CSMD1: variants seen among roughly 807,000 people sequenced by gnomAD.
CSMD1 encodes CUB and Sushi multiple domains 1.
Under a neutral mutation model 417.5 loss-of-function variants are expected in CSMD1, and 213 were observed. That is an observed-to-expected ratio of 0.51 (90% CI 0.46 to 0.57). The LOEUF is 0.57. Among genes scored for constraint, CSMD1 ranks in the 20% least tolerant of loss-of-function variants. The pLI, the probability that CSMD1 is intolerant of heterozygous loss-of-function variation, is 0.00. For synonymous variants in CSMD1, 2,862 were observed against 1,736.8 expected (o/e 1.65, Z -16.11); for missense variants, 6,923 against 4,529.7 (o/e 1.53, Z -15.17).
At chr8:4,923,187 C>T (rs1806614675) in intron 1 of CSMD1, among the ~76,000 whole-genome samples, 1 of 152,094 alleles carries the variant, frequency 6.6e-6, no homozygotes, top group African/African-American at 2.4e-5. Flanking sequence ...TGACCACTGT[C>T]ATTTTCTTTC....
intron 12 of CSMD1, among the ~76,000 whole-genome samples, chr8:3,464,101 G>C (rs543938396): frequency 6.6e-6 from 1 of 152,226 alleles, no homozygotes; most frequent in Admixed American, 6.5e-5. Flanking sequence ...ACAGGAAACA[G>C]TTCCTTTAAT....
At chr8:3,525,621 C>A (rs191611958) in intron 10 of CSMD1, among the ~76,000 whole-genome samples, 1 of 152,142 alleles carries the variant, frequency 6.6e-6, no homozygotes, top group Non-Finnish European at 1.5e-5. Flanking sequence ...ATCTTCAAAA[C>A]CTCTTGCCTG....
intron 1 of CSMD1, among the ~76,000 whole-genome samples, chr8:4,902,295 G>T (rs1176333266): frequency 1.3e-5 from 2 of 149,030 alleles, no homozygotes; most frequent in African/African-American, 4.9e-5. Context: ...AAAAAATCCT[G>T]GCATGATGGC....
At chr8:3,097,979 T>C (rs757339743) in intron 46 of CSMD1, among the ~76,000 whole-genome samples, 3 of 152,210 alleles carry the variant, frequency 2.0e-5, no homozygotes, top group Non-Finnish European at 4.4e-5. Context: ...TGAAAAATTA[T>C]TATTCAACTA....
At chr8:4,809,917 C>G (rs550652975) in intron 1 of CSMD1, among the ~76,000 whole-genome samples, 25 of 152,308 alleles carry the variant, frequency 1.6e-4, no homozygotes, top group Admixed American at 1.3e-3. Flanking sequence ...GGCCACTTAC[C>G]AAGTATATTA....
chr8:3,807,367 A>C (rs955030947), intron 5 of CSMD1, among the ~76,000 whole-genome samples: 2 of 152,202 alleles, frequency 1.3e-5, no homozygotes, highest in African/African-American at 4.8e-5. Context: ...TAATCTGGGA[A>C]TATTCCCAAG....
intron 51 of CSMD1, among the ~76,000 whole-genome samples, chr8:3,026,391 TC>T (rs1729327256): frequency 6.6e-6 from 1 of 151,234 alleles, no homozygotes; most frequent in South Asian, 2.1e-4. Context: ...TGGACCTCAC[TC>T]GGCCTCACTG....
At chr8:3,894,114 C>A (rs1484298630) in intron 5 of CSMD1, among the ~76,000 whole-genome samples, 2 of 152,198 alleles carry the variant, frequency 1.3e-5, no homozygotes, top group African/African-American at 4.8e-5. Context: ...GTCTATTCTG[C>A]ACCTCACTTA....
intron 3 of CSMD1, among the ~76,000 whole-genome samples, chr8:4,411,889 A>G (rs1362349640): frequency 6.6e-6 from 1 of 152,024 alleles, no homozygotes; most frequent in Non-Finnish European, 1.5e-5. Flanking sequence ...TGTACCATGC[A>G]CATCTTCTGA....
chr8:3,701,371 A>G (rs955650522), intron 7 of CSMD1, among the ~76,000 whole-genome samples: 9 of 152,064 alleles, frequency 5.9e-5, no homozygotes, highest in African/African-American at 1.9e-4. Flanking sequence ...TCTTTGTCTC[A>G]GCTTCTACAG....
chr8:4,677,007 TATAGAATTTTAC>T (rs1194511401), intron 1 of CSMD1, among the ~76,000 whole-genome samples: 2 of 146,486 alleles, frequency 1.4e-5, no homozygotes, highest in African/African-American at 2.5e-5. Context: ...TAAAATTTTA[TATAGAATTTTAC>T]ATAGAATTTT....
At chr8:3,516,229 G>C (rs1433358295) in intron 10 of CSMD1, among the ~76,000 whole-genome samples, 1 of 152,204 alleles carries the variant, frequency 6.6e-6, no homozygotes, top group African/African-American at 2.4e-5. Flanking sequence ...ACATTCTGCA[G>C]CACTTGCAAA....
At chr8:4,163,623 G>C (rs924330568) in intron 3 of CSMD1, among the ~76,000 whole-genome samples, 3 of 152,064 alleles carry the variant, frequency 2.0e-5, no homozygotes, top group Non-Finnish European at 2.9e-5. Context: ...AAACTCTGTT[G>C]ACTATCTACA....
chr8:4,629,112 T>C (rs1317773850), intron 2 of CSMD1, among the ~76,000 whole-genome samples: 1 of 152,188 alleles, frequency 6.6e-6, no homozygotes, highest in East Asian at 1.9e-4. Context: ...TTTTCAAACA[T>C]TATCAAAATG....
intron 6 of CSMD1, among the ~76,000 whole-genome samples, chr8:3,730,464 G>C (rs965064745): frequency 3.3e-4 from 49 of 150,014 alleles, no homozygotes; most frequent in African/African-American, 1.2e-3. Context: ...GTCTAAGAAG[G>C]CTCTCAAGAG....
chr8:4,351,470 C>T (rs1435257202), intron 3 of CSMD1, among the ~76,000 whole-genome samples: 4 of 152,164 alleles, frequency 2.6e-5, no homozygotes, highest in African/African-American at 4.8e-5. Flanking sequence ...AGTTCCATAG[C>T]TATTACTGTG....
At chr8:3,730,920 C>T (rs752209996) in intron 6 of CSMD1, among the ~76,000 whole-genome samples, 1 of 152,082 alleles carries the variant, frequency 6.6e-6, no homozygotes, top group African/African-American at 2.4e-5. Context: ...CTTCAAAGTG[C>T]CATTTCTTGC....
At chr8:3,109,593 C>G (rs1415542380) in intron 43 of CSMD1, among the ~76,000 whole-genome samples, 1 of 152,138 alleles carries the variant, frequency 6.6e-6, no homozygotes, top group Non-Finnish European at 1.5e-5. Flanking sequence ...GGAGCTCTGC[C>G]TGTCAGAGCC....
intron 6 of CSMD1, among the ~76,000 whole-genome samples, chr8:3,714,559 C>A (rs1477027732): frequency 3.9e-4 from 1 of 2,592 alleles, no homozygotes; most frequent in African/African-American, 6.8e-4. Flanking sequence ...CCATCTCTAT[C>A]CCAAAAAAAA....
Sources: allele counts gnomAD v4.1 joint callset (sites outside exome capture counted in the v4.1 genomes callset), GRCh38; gene constraint gnomAD v4.1.1; transcripts MANE v1.5; gene names NCBI Gene and HGNC (gene_info 2026-07-23, HGNC 2026-07-21).